Variants in ZNF385D observed in about 807,000 individuals in gnomAD.
The protein encoded by ZNF385D is zinc finger protein 659.
Under a neutral mutation model 35.8 loss-of-function variants are expected in ZNF385D, and 15 were observed. That is an observed-to-expected ratio of 0.42 (90% confidence interval 0.28 to 0.64). The LOEUF (loss-of-function observed/expected upper bound fraction) is 0.64. ZNF385D is among the 30% of genes least tolerant of loss of function. The probability of loss-of-function intolerance (pLI) is 0.23; values close to 1 mark genes in which losing one functional copy is unlikely to be tolerated. For missense variants in ZNF385D, 474 were observed against 494.6 expected (o/e 0.96, Z 0.39); for synonymous variants, 212 against 186.8 (o/e 1.13, Z -1.10).
At chr3:21,752,836 T>C (rs1350582406), upstream of ZNF385D, among the ~76,000 whole-genome samples, 2 of 152,316 alleles carry the variant, frequency 1.3e-5, no homozygotes, top group East Asian at 3.9e-4. Context: ...TTTTTCCTTT[T>C]GGACAAATGG....
intron 3 of ZNF385D, among the ~76,000 whole-genome samples, chr3:21,962,497 A>G (rs1702652271): frequency 6.6e-6 from 1 of 152,226 alleles, no homozygotes; most frequent in Non-Finnish European, 1.5e-5. Context: ...ATAGCACATT[A>G]TGTTCACAAA....
chr3:22,309,232 A>G (rs886355914), intron 2 of ZNF385D, among the ~76,000 whole-genome samples: 3 of 152,118 alleles, frequency 2.0e-5, no homozygotes, highest in African/African-American at 7.2e-5. Context: ...TAAGAAAGGC[A>G]GCACCATCTT....
At chr3:21,504,778 C>T (rs183736044) in intron 4 of ZNF385D, among the ~76,000 whole-genome samples, 6 of 152,072 alleles carry the variant, frequency 3.9e-5, no homozygotes, top group East Asian at 1.9e-4. Flanking sequence ...GCAGGAAAGC[C>T]GTGGAAGAGA....
At chr3:22,231,478 C>T (rs1056812145) in intron 2 of ZNF385D, among the ~76,000 whole-genome samples, 4 of 152,190 alleles carry the variant, frequency 2.6e-5, no homozygotes, top group African/African-American at 9.6e-5. Context: ...TGACAAACAG[C>T]TTCCCACAGT....
intron 3 of ZNF385D, among the ~76,000 whole-genome samples, chr3:22,131,543 G>A (rs771542088): frequency 6.6e-6 from 1 of 152,122 alleles, no homozygotes; most frequent in Admixed American, 6.6e-5. Context: ...AATGAAAAAT[G>A]ATGTATCAGG....
intron 2 of ZNF385D, among the ~76,000 whole-genome samples, chr3:22,354,745 T>C (rs556140713): frequency 1.3e-5 from 2 of 152,052 alleles, no homozygotes; most frequent in Non-Finnish European, 2.9e-5. Context: ...AAACATATAA[T>C]CAATGACTCC....
chr3:22,135,298 A>G (rs767593082), intron 3 of ZNF385D, among the ~76,000 whole-genome samples: 1 of 149,742 alleles, frequency 6.7e-6, no homozygotes. Context: ...TATAAGGTCA[A>G]CACACACACA....
intron 3 of ZNF385D, among the ~76,000 whole-genome samples, chr3:22,138,848 A>G (rs1460189440): frequency 6.6e-6 from 1 of 152,130 alleles, no homozygotes; most frequent in Non-Finnish European, 1.5e-5. Flanking sequence ...GCTTCTGCAC[A>G]GCAAAAGAAA....
intron 3 of ZNF385D, among the ~76,000 whole-genome samples, chr3:22,048,026 G>A (rs1559332093): frequency 6.6e-6 from 1 of 151,686 alleles, no homozygotes; most frequent in Admixed American, 6.6e-5. Flanking sequence ...ATTTACTTGT[G>A]GTCATTTCTA....
At chr3:21,974,881 C>G (rs1270037907) in intron 3 of ZNF385D, among the ~76,000 whole-genome samples, 1 of 152,056 alleles carries the variant, frequency 6.6e-6, no homozygotes, top group African/African-American at 2.4e-5. Flanking sequence ...TCATCTTATC[C>G]CAGTTAAAAG....
chr3:21,752,115 A>T (rs2070131698), upstream of ZNF385D, among the ~76,000 whole-genome samples: 1 of 151,144 alleles, frequency 6.6e-6, no homozygotes, highest in Non-Finnish European at 1.5e-5. Context: ...CCAATGGTAT[A>T]ATGAATTGCA....
chr3:21,516,145 T>C (rs1203161558), intron 3 of ZNF385D, among the ~76,000 whole-genome samples: 1 of 152,116 alleles, frequency 6.6e-6, no homozygotes, highest in Admixed American at 6.6e-5. Flanking sequence ...GCCCACCAAA[T>C]TGTCCTTGAA....
intron 3 of ZNF385D, among the ~76,000 whole-genome samples, chr3:21,815,896 C>T (rs939985979): frequency 1.3e-5 from 2 of 152,194 alleles, no homozygotes; most frequent in African/African-American, 4.8e-5. Context: ...AATTTTAGAC[C>T]AATATCCCTG....
At position 22,367,940 on chromosome 3, in the gene ZNF385D, G is replaced by A. The variant is rs116201999; in HGVS notation, c.106+4510C>T. On this transcript the variant is annotated intron_variant, in intron 2 of 5. Transcript: ENST00000494108. ...CATTTTATTCTCATGGGGACAAATA[G>A]GTCTAATGACGAATCAAGGCGCATC... Among the ~76,000 whole-genome samples the A allele has an allele frequency of 5.7e-3, 861 of 152,226 alleles. 6 individuals carry two copies. Among genetic ancestry groups the A allele is most frequent in the African/African-American group, 0.019 (801 of 41,546 alleles).
rs770479290 is a variant in ZNF385D at position 21,960,269 on chromosome 3, G to C, written c.325+208548C>G. ...AATAATCTGGTTAAAAAGTGGCAGA[G>C]GATCTAAATAAACATTTCTCAAAAG... On this transcript the variant is annotated intron_variant, in intron 3 of 5. Coordinates refer to the ZNF385D transcript ENST00000494108. Among the ~76,000 whole-genome samples the C allele has an allele frequency of 3.3e-5, 5 of 150,806 alleles. No homozygotes were observed. The East Asian group carries it at 5.8e-4, about 18-fold the overall frequency.
At chr3:22,165,494 G>A (rs1205980894) in intron 3 of ZNF385D, among the ~76,000 whole-genome samples, 1 of 151,994 alleles carries the variant, frequency 6.6e-6, no homozygotes, top group Non-Finnish European at 1.5e-5. Flanking sequence ...AAAATCATGT[G>A]GGAAAATATT....
chr3:22,267,183 A>T (rs1700939788), intron 2 of ZNF385D, among the ~76,000 whole-genome samples: 1 of 151,954 alleles, frequency 6.6e-6, no homozygotes, highest in Admixed American at 6.6e-5. Flanking sequence ...CATCTATGAG[A>T]AAGAGTATTT....
chr3:21,930,165 A>G (rs1700929253), intron 3 of ZNF385D, among the ~76,000 whole-genome samples: 3 of 152,080 alleles, frequency 2.0e-5, no homozygotes, highest in Admixed American at 1.3e-4. Flanking sequence ...AGTTTTCAAC[A>G]GGAATGCCAA....
At chr3:22,300,993 CT>C (rs1702870532) in intron 2 of ZNF385D, among the ~76,000 whole-genome samples, 1 of 152,138 alleles carries the variant, frequency 6.6e-6, no homozygotes, top group South Asian at 2.1e-4. Flanking sequence ...TTCCCATGTT[CT>C]TTGCAGATGT....
Sources: allele counts gnomAD v4.1 joint callset (sites outside exome capture counted in the v4.1 genomes callset), GRCh38; gene constraint gnomAD v4.1.1; transcripts MANE v1.5; gene names NCBI Gene and HGNC (gene_info 2026-07-23, HGNC 2026-07-21).